The following E2F7 variants were observed in gnomAD, a reference collection of about 807,000 sequenced individuals.
E2F7 encodes transcription factor E2F7.
In E2F7, 35 loss-of-function variants were observed where a neutral mutation model predicts 81.1. The ratio of observed to expected loss-of-function variants is 0.43; its 90% CI spans 0.33 to 0.57. E2F7 has a LOEUF of 0.57. E2F7 is among the 20% of genes least tolerant of loss of function. The pLI is 0.04. For missense variants in E2F7, 961 were observed against 1,093.7 expected (o/e 0.88, Z 1.71); for synonymous variants, 416 against 416.2 (o/e 1.00, Z 0.01).
chr12:77,063,064 G>T (rs189801860), intron 2 of E2F7, among the ~76,000 whole-genome samples: 1 of 152,262 alleles, frequency 6.6e-6, no homozygotes, highest in Non-Finnish European at 1.5e-5. Context: ...GCTCCGTCCT[G>T]CTTCGGATGT....
At chr12:77,044,818 G>A (rs745633058) in intron 5 of E2F7, 23 bp from the exon 6 acceptor site, 19 of 1,609,430 alleles carry the variant, frequency 1.2e-5, no homozygotes, top group Non-Finnish European at 1.6e-5. Flanking sequence ...TGAAACAAAA[G>A]CATCAAAGTA....
At position 77,023,999 on chromosome 12, in the gene E2F7, C is replaced by G. The variant is rs769424666; in HGVS notation, c.*16G>C. The G allele has an allele frequency of 2.5e-6, 4 of 1,611,848 alleles. No homozygotes were observed. The Admixed American group carries it at 5.0e-5, about 20-fold the overall frequency. On this transcript the variant is annotated 3_prime_UTR_variant, in exon 13 of 13. Coordinates refer to ENST00000322886, the MANE Select transcript of E2F7 (RefSeq NM_203394.3). ...TCAGGGCGTTTGATCCCACCCCCAC[C>G]TGGCAAAGCGGCAGGTTAGTCAGCG...
chr12:77,047,622 C>G (rs1449574257), intron 4 of E2F7, among the ~76,000 whole-genome samples: 1 of 152,162 alleles, frequency 6.6e-6, no homozygotes, highest in Non-Finnish European at 1.5e-5. Flanking sequence ...TAGCTGTTGG[C>G]CCTTCAAAAA....
intron 2 of E2F7, among the ~76,000 whole-genome samples, chr12:77,056,682 G>A (rs909696694): frequency 1.3e-5 from 2 of 151,980 alleles, no homozygotes; most frequent in African/African-American, 2.4e-5. Context: ...TAAAGGACTC[G>A]TTTTTTTAGA....
chr12:77,025,983 C>A lies in E2F7; in HGVS notation c.2141-1G>T. The stretch of plus-strand genomic sequence containing the variant: ...AAAAGTACATTGAAACCATTTAATC[C>A]TGAAAGAAAAGCAGAACAGGCGAAA... On this transcript the variant is annotated splice_acceptor_variant, in intron 11 of 12. Coordinates refer to ENST00000322886, the MANE Select transcript of E2F7 (RefSeq NM_203394.3). LOFTEE classifies it high-confidence loss of function. 6.3e-7 allele frequency: 1 copy of A among 1,599,688 alleles called. No homozygotes were observed. Among genetic ancestry groups the A allele is most frequent in the Non-Finnish European group, 8.5e-7 (1 of 1,172,814 alleles).
intron 4 of E2F7, among the ~76,000 whole-genome samples, chr12:77,047,966 G>A (rs952377425): frequency 6.6e-6 from 1 of 152,170 alleles, no homozygotes; most frequent in South Asian, 2.1e-4. Flanking sequence ...CCAGCCATAT[G>A]CCCGGCTGTT....
chr12:77,062,394 C>T (rs1265447875), intron 2 of E2F7, among the ~76,000 whole-genome samples: 1 of 152,170 alleles, frequency 6.6e-6, no homozygotes, highest in Non-Finnish European at 1.5e-5. Flanking sequence ...CTCTTAAACC[C>T]CATGTTTTCA....
At chr12:77,028,537 G>A (rs987306141) in intron 10 of E2F7, among the ~76,000 whole-genome samples, 5 of 149,468 alleles carry the variant, frequency 3.3e-5, no homozygotes, top group South Asian at 4.3e-4. Flanking sequence ...GCGCGATCTC[G>A]GCTCACTGCA....
rs1430883434 is a variant in E2F7 at position 77,046,214 on chromosome 12, G to A, written c.653C>T (p.Thr218Ile). 1 of 1,614,168 alleles carries A rather than the reference G, an allele frequency of 6.2e-7. No individual in the cohort carries two copies. The highest frequency in any genetic ancestry group is 2.2e-5 in the East Asian group (1 of 44,876). The change falls in exon 5 of 13, where the codon ACC becomes ATC. Residue 218 changes from threonine to isoleucine, a missense_variant. By Grantham distance (89) the Thr-to-Ile change is moderately conservative. This residue lies in a region of E2F7 where 301 missense variants were observed against 405.0 expected (regional missense o/e 0.74). Coordinates refer to ENST00000322886, the MANE Select transcript of E2F7 (RefSeq NM_203394.3). Reference protein sequence around the residue: ...GWHGRHSLPKTLRNLQRLGEE... With the variant: ...GWHGRHSLPKILRNLQRLGEE... ...TCCTAGTCTCTGGAGGTTCCTCAGG[G>A]TTTTTGGCAGGCTGTGCCGTCCATG...
rs570551482 is a variant in E2F7, at chr12:77,028,578, C to T, written c.1885-440G>A. Among the ~76,000 whole-genome samples the T allele has an allele frequency of 1.9e-3, 286 of 152,190 alleles. 1 individual carries two copies. The highest frequency in any genetic ancestry group is 6.1e-3 in the African/African-American group (253 of 41,514). On this transcript the variant is annotated intron_variant, in intron 10 of 12. Transcript: ENST00000322886. ...TGCCTCCTGGGTTCACACCATTCTCCTGCCTCAGCCTCCTGAGTAGCTGGG... is the reference window on the plus strand; with the variant it reads ...TGCCTCCTGGGTTCACACCATTCTCTTGCCTCAGCCTCCTGAGTAGCTGGG...
At chr12:77,027,859 C>CT (rs1954771913) in intron 11 of E2F7, 24 bp downstream of exon 11, 5 of 1,612,104 alleles carry the variant, frequency 3.1e-6, no homozygotes, top group African/African-American at 1.3e-5. Flanking sequence ...GCAAGGGACT[C>CT]TAAGACATGA....
At chr12:77,033,816 T>G in intron 8 of E2F7, 41 bp downstream of exon 8, 1 of 1,511,316 alleles carries the variant, frequency 6.6e-7, no homozygotes, top group Non-Finnish European at 8.9e-7. Flanking sequence ...TACAGCTACA[T>G]GGCAACTGAT....
rs1005922410 is a variant in E2F7, at chr12:77,055,953, T to C, written c.271A>G (p.Ile91Val). The change falls in exon 3 of 13, where the codon ATT (isoleucine) becomes GTT (valine). Residue 91 changes from isoleucine to valine, a missense_variant. Ile to Val is a conservative substitution (Grantham distance 29). Coordinates refer to ENST00000322886, the MANE Select transcript of E2F7 (RefSeq NM_203394.3). ...CTTATATCTGGGCTGGCAGCACTAA[T>C]GAGCATCTTCAGGTTAGCTGTGGGT... ...WTPTANLKML[I>V]SAASPDIRDR... is the part of the protein sequence containing the mutation. 2 of 1,614,072 alleles carry C rather than the reference T, an allele frequency of 1.2e-6. No individual in the cohort carries two copies. Among genetic ancestry groups the C allele is most frequent in the Non-Finnish European group, 1.7e-6 (2 of 1,180,030 alleles).
intron 3 of E2F7, among the ~76,000 whole-genome samples, chr12:77,053,121 T>C (rs533918860): frequency 2.6e-5 from 4 of 152,150 alleles, no homozygotes; most frequent in Non-Finnish European, 5.9e-5. Context: ...CATCTGTATA[T>C]CTAATGACGT....
chr12:77,063,742 C>A (rs35364690), intron 2 of E2F7, among the ~76,000 whole-genome samples: 12,385 of 152,200 alleles, frequency 0.081, 686 homozygotes, highest in Non-Finnish European at 0.12. Flanking sequence ...CTCATATGAG[C>A]CTGGGTTGCT....
In E2F7 at chr12:77,027,788, G is replaced by T. The variant is rs75774385; in HGVS notation, c.2140+95C>A. On this transcript the variant is annotated intron_variant, in intron 11 of 12. Coordinates refer to ENST00000322886, the MANE Select transcript of E2F7 (RefSeq NM_203394.3). Reference sequence around the variant, plus strand: ...TAAAATGACTCAGGCACATCAATAAGCCACTTTGGGTCAGGTGACACAGAC... The same window carrying T: ...TAAAATGACTCAGGCACATCAATAATCCACTTTGGGTCAGGTGACACAGAC... 2.2e-3 allele frequency: 3,380 copies of T among 1,514,082 alleles called. 70 individuals are homozygous for T. In the African/African-American group the frequency reaches 0.043, roughly 19 times the overall value. 93.8% of individuals were successfully genotyped at this position (1,514,082 alleles called of 1,614,324 possible). A position where few individuals can be genotyped will look rare whatever the true frequency, so the allele number is the denominator to read the frequency against.
rs1955113397 is a variant in E2F7 at position 77,065,494 on chromosome 12, T to G, written c.-150A>C. On this transcript the variant is annotated 5_prime_UTR_variant, in exon 1 of 13. Transcript: ENST00000322886. ...GATCCCCGCGCCGAGTGCCCTGGGC[T>G]GGCGGGGACCCCGCGGCGTCCGGGC... 1 of 152,398 alleles carries G rather than the reference T, an allele frequency of 6.6e-6. No individual in the cohort carries two copies. The highest frequency in any genetic ancestry group is 2.4e-5 in the African/African-American group (1 of 41,444). 9.4% of individuals were successfully genotyped at this position (152,398 alleles called of 1,614,324 possible). A position where few individuals can be genotyped will look rare whatever the true frequency, so the allele number is the denominator to read the frequency against.
intron 4 of E2F7, among the ~76,000 whole-genome samples, chr12:77,048,114 A>C (rs183162579): frequency 6.6e-6 from 1 of 152,322 alleles, no homozygotes; most frequent in East Asian, 1.9e-4. Flanking sequence ...AGTGTTTAGT[A>C]GGTGCTTTTG....
chr12:77,060,329 G>A (rs1183170165), intron 2 of E2F7, among the ~76,000 whole-genome samples: 1 of 152,204 alleles, frequency 6.6e-6, no homozygotes. Context: ...AGCTCAGAAG[G>A]TAAAAGCACT....
Sources: gnomAD v4.1 joint callset for allele counts (sites outside exome capture counted in the v4.1 genomes callset) on GRCh38, gnomAD v4.1.1 for gene constraint, gnomAD v4.1.1 regional missense constraint, MANE v1.5 for transcripts, NCBI Gene and HGNC (gene_info 2026-07-23, HGNC 2026-07-21) for gene names.